CREBBP: variants seen among roughly 807,000 people sequenced by gnomAD.
The protein encoded by CREBBP is CREB binding lysine acetyltransferase.
In CREBBP, 19 loss-of-function variants were observed where a neutral mutation model predicts 265.0. That is an observed-to-expected ratio of 0.07 (90% CI 0.05 to 0.11). CREBBP has a LOEUF of 0.11. Ranked by LOEUF, CREBBP falls within the 10% of genes least tolerant of loss-of-function variation. The pLI is 1.00. For missense variants in CREBBP, 2,525 were observed against 3,219.0 expected (o/e 0.78, Z 5.22); for synonymous variants, 1,457 against 1,223.7 (o/e 1.19, Z -3.98).
intron 3 of CREBBP, among the ~76,000 whole-genome samples, chr16:3,807,644 T>C (rs998912040): frequency 6.6e-6 from 1 of 152,236 alleles, no homozygotes; most frequent in African/African-American, 2.4e-5. Context: ...TTTCAGGCTT[T>C]GCAAACAGGA....
At chr16:3,847,194 A>G (rs1419978580) in intron 2 of CREBBP, among the ~76,000 whole-genome samples, 1 of 152,250 alleles carries the variant, frequency 6.6e-6, no homozygotes, top group Non-Finnish European at 1.5e-5. Context: ...TACACTGCCA[A>G]GTAAAACAGT....
rs1410198192 is a variant in CREBBP at position 3,741,147 on chromosome 16, CCCG to C, written c.3983-601_3983-599del. 3 of 166,686 alleles carry C rather than the reference CCCG, an allele frequency of 1.8e-5. No homozygotes were observed. The East Asian group carries it at 4.9e-4, about 27-fold the overall frequency. The allele number at this position is 166,686 out of a possible 1,614,324, so 10.3% of individuals were successfully genotyped here. A position where few individuals can be genotyped will look rare whatever the true frequency, so the allele number is the denominator to read the frequency against. On this transcript the variant is annotated intron_variant, in intron 23 of 30. Coordinates refer to ENST00000262367, the MANE Select transcript of CREBBP (RefSeq NM_004380.3). ...GGGCAGCCTTTCCTGGGCTCACCTC[CCCG>C]CCGCCACCCCTCCTCACCCAGGGCC...
chr16:3,735,776 C>T (rs1342831023), intron 28 of CREBBP, among the ~76,000 whole-genome samples: 2 of 152,192 alleles, frequency 1.3e-5, no homozygotes, highest in African/African-American at 2.4e-5. Flanking sequence ...CTGACTGCCC[C>T]ATGTCCCATT....
In CREBBP at chr16:3,835,733, C is replaced by A. The variant is rs1162527561; in HGVS notation, c.798+14564G>T. On this transcript the variant is annotated intron_variant, in intron 2 of 30. Transcript: ENST00000262367. ...TAGCTGGGACTACAGGCGCCTGGCACCACACCTGGCTGATTTTTTGTATTT... is the reference window on the plus strand; with the variant it reads ...TAGCTGGGACTACAGGCGCCTGGCAACACACCTGGCTGATTTTTTGTATTT... 5.3e-5 allele frequency among the ~76,000 whole-genome samples: 8 copies of A among 151,794 alleles called. No homozygotes were observed. In the East Asian group the frequency reaches 1.6e-3, roughly 29 times the overall value.
intron 2 of CREBBP, among the ~76,000 whole-genome samples, chr16:3,825,293 G>C (rs2054216137): frequency 6.6e-6 from 1 of 152,152 alleles, no homozygotes; most frequent in African/African-American, 2.4e-5. Context: ...TCACTGCTAA[G>C]GGCATTAAGT....
At chr16:3,771,986 A>C (rs1370923047) in intron 13 of CREBBP, among the ~76,000 whole-genome samples, 2 of 151,746 alleles carry the variant, frequency 1.3e-5, no homozygotes, top group East Asian at 3.9e-4. Flanking sequence ...AATTAATTTA[A>C]AATTTATGAA....
chr16:3,842,760 T>A (rs535156411), intron 2 of CREBBP, among the ~76,000 whole-genome samples: 2 of 150,958 alleles, frequency 1.3e-5, no homozygotes, highest in East Asian at 3.9e-4. Flanking sequence ...AGGTCAGGAG[T>A]TCAAAACCAG....
intron 2 of CREBBP, chr16:3,840,892 T>A (rs1424199785): frequency 6.4e-6 from 1 of 155,758 alleles, no homozygotes; most frequent in Non-Finnish European, 1.5e-5. Context: ...CTTAAGGGAG[T>A]TCAGAATGAA....
chr16:3,776,837 C>G (rs1442901073), intron 11 of CREBBP, among the ~76,000 whole-genome samples: 1 of 151,564 alleles, frequency 6.6e-6, no homozygotes, highest in Non-Finnish European at 1.5e-5. Context: ...ATGGTGAAAC[C>G]CCATCTCTAC....
chr16:3,761,741 G>A (rs1464841361), intron 16 of CREBBP, among the ~76,000 whole-genome samples: 2 of 152,210 alleles, frequency 1.3e-5, no homozygotes, highest in Admixed American at 6.5e-5. Context: ...GGGTGCAGAC[G>A]TGCCCTTCAC....
rs537595342 is a variant in CREBBP at position 3,786,038 on chromosome 16, G to A, written c.1331-3112C>T. Reference sequence around the variant, plus strand: ...CTCGGACTCACCTGCCACTCTTCATGCACAAACAATGTTCCACTAAGAGGC... The same window carrying A: ...CTCGGACTCACCTGCCACTCTTCATACACAAACAATGTTCCACTAAGAGGC... On this transcript the variant is annotated intron_variant, in intron 5 of 30. Coordinates refer to ENST00000262367, the MANE Select transcript of CREBBP (RefSeq NM_004380.3). Among the ~76,000 whole-genome samples the A allele has an allele frequency of 3.3e-5, 5 of 152,340 alleles. No individual in the cohort carries two copies. The East Asian group carries it at 9.6e-4, about 29-fold the overall frequency.
chr16:3,736,257 C>T (rs2052056011), intron 27 of CREBBP, 54 bp from the exon 28 acceptor site: 5 of 1,576,010 alleles, frequency 3.2e-6, no homozygotes, highest in Non-Finnish European at 3.5e-6. Flanking sequence ...GTGCCCCCCA[C>T]CATGGTGCGA....
At chr16:3,780,254 A>G (rs1466080190) in intron 8 of CREBBP, among the ~76,000 whole-genome samples, 4 of 151,858 alleles carry the variant, frequency 2.6e-5, no homozygotes, top group African/African-American at 9.7e-5. Context: ...AAAAAAAAAA[A>G]AAAAAAAAAG....
intron 5 of CREBBP, among the ~76,000 whole-genome samples, chr16:3,790,366 C>CTTT (rs57582399): frequency 1.9e-3 from 125 of 66,574 alleles, no homozygotes; most frequent in African/African-American, 3.0e-3. Context: ...AGGAAACTGG[C>CTTT]TTTTTTTTTT....
chr16:3,799,347 C>T (rs1478421283), intron 3 of CREBBP, among the ~76,000 whole-genome samples: 1 of 152,136 alleles, frequency 6.6e-6, no homozygotes, highest in East Asian at 1.9e-4. Flanking sequence ...TTAAAAAGTT[C>T]TTACTAATCA....
chr16:3,729,149 G>T lies in CREBBP; in HGVS notation c.5898C>A (p.Ala1966=), dbSNP rs770870064. 1.3e-6 allele frequency: 2 copies of T among 1,557,322 alleles called. No homozygotes were observed. Among genetic ancestry groups the T allele is most frequent in the Admixed American group, 3.7e-5 (2 of 53,584 alleles). The change falls in exon 31 of 31, where the codon GCC becomes GCA. Residue 1966 remains alanine (A), a synonymous_variant. Coordinates refer to ENST00000262367, the MANE Select transcript of CREBBP (RefSeq NM_004380.3). ...CCCGGTACAGGTGCTGCTGCTGCTG[G>T]GCCTCACGCTCGATCTGCCGAGCCG... ...VEAARQIERE[A]QQQQHLYRVN... is the part of the protein sequence containing the mutation.
At chr16:3,755,609 G>GTC (rs757158867) in intron 19 of CREBBP, among the ~76,000 whole-genome samples, 2 of 152,090 alleles carry the variant, frequency 1.3e-5, no homozygotes, top group Non-Finnish European at 2.9e-5. Context: ...ACATCATGGG[G>GTC]TCTGCTGAAG....
intron 2 of CREBBP, among the ~76,000 whole-genome samples, chr16:3,822,367 C>A (rs1325757224): frequency 6.6e-6 from 1 of 152,182 alleles, no homozygotes; most frequent in African/African-American, 2.4e-5. Flanking sequence ...ACAGAACTCA[C>A]AAGGCTTTAA....
chr16:3,851,746 C>A (rs950795817), intron 1 of CREBBP, among the ~76,000 whole-genome samples: 1 of 147,982 alleles, frequency 6.8e-6, no homozygotes, highest in African/African-American at 2.5e-5. Context: ...CCCAGCTACT[C>A]GGGAGGCTGA....
Sources: allele counts gnomAD v4.1 joint callset (sites outside exome capture counted in the v4.1 genomes callset), GRCh38; gene constraint gnomAD v4.1.1; transcripts MANE v1.5; gene names NCBI Gene and HGNC (gene_info 2026-07-23, HGNC 2026-07-21).